PIGN: variants seen among roughly 807,000 people sequenced by gnomAD.
PIGN encodes the protein GPI ethanolamine phosphate transferase 1.
PIGN carries 117 observed loss-of-function variants against 125.4 expected under a neutral mutation model. The observed-to-expected ratio is 0.93, with a 90% CI of 0.80 to 1.09. PIGN has a LOEUF of 1.09. PIGN is among the 50% of genes least tolerant of loss of function. PIGN has a pLI of 0.00. For missense variants in PIGN, 1,075 were observed against 1,094.9 expected (o/e 0.98, Z 0.26); for synonymous variants, 392 against 377.8 (o/e 1.04, Z -0.44).
At chr18:62,113,742 C>T (rs1301463720) in intron 15 of PIGN, among the ~76,000 whole-genome samples, 4 of 151,918 alleles carry the variant, frequency 2.6e-5, no homozygotes, top group African/African-American at 9.7e-5. Flanking sequence ...AGAAGAATAG[C>T]TTATCATTTT....
chr18:62,088,806 T>C lies in PIGN; in HGVS notation c.2320A>G (p.Thr774Ala). 1.3e-6 allele frequency: 2 copies of C among 1,560,686 alleles called. No homozygotes were observed. Among genetic ancestry groups the C allele is most frequent in the Non-Finnish European group, 1.7e-6 (2 of 1,149,008 alleles). ...TCCAGATATAGCTGTCGAAACTGAG[T>C]TATATCAGTATTATAAGAGAACTGG... ...SIQFSYNTDITQFRQLYLDDI... is the reference protein window; with the variant it reads ...SIQFSYNTDIAQFRQLYLDDI... Residue 774 changes from threonine to alanine, a missense_variant, in exon 25 of 31, where the codon ACT becomes GCT. Thr to Ala is a moderately conservative substitution (Grantham distance 58, BLOSUM62 0). Coordinates refer to ENST00000640252, the MANE Select transcript of PIGN (RefSeq NM_176787.5).
intron 23 of PIGN, among the ~76,000 whole-genome samples, chr18:62,028,350 C>T (rs1272546235): frequency 2.6e-5 from 4 of 152,122 alleles, no homozygotes; most frequent in African/African-American, 7.2e-5. Flanking sequence ...TCAGCACCTC[C>T]GAAAGAATGA....
At chr18:62,082,631 A>C in intron 28 of PIGN, 42 bp downstream of exon 28, 1 of 1,085,944 alleles carries the variant, frequency 9.2e-7, no homozygotes. Context: ...TCATCTCCTA[A>C]AAATAGGCAA....
At chr18:62,128,924 T>C (rs930366344) in intron 14 of PIGN, among the ~76,000 whole-genome samples, 5 of 152,306 alleles carry the variant, frequency 3.3e-5, no homozygotes, top group Non-Finnish European at 7.4e-5. Flanking sequence ...TATTAAAATA[T>C]AAGTATACAA....
At chr18:62,066,097 C>T (rs565192079) in intron 30 of PIGN, among the ~76,000 whole-genome samples, 1 of 152,338 alleles carries the variant, frequency 6.6e-6, no homozygotes, top group East Asian at 1.9e-4. Flanking sequence ...TTTTAACTTG[C>T]TAACAATAGT....
At chr18:62,037,480 C>T (rs868289553), downstream of PIGN, among the ~76,000 whole-genome samples, 5 of 152,232 alleles carry the variant, frequency 3.3e-5, no homozygotes, top group South Asian at 2.1e-4. Flanking sequence ...AAAGCAGGGA[C>T]GTAAAGGCCT....
rs771022458 is a variant in PIGN, at chr18:62,085,222, C to T, written c.2413G>A (p.Ala805Thr). 6.1e-5 allele frequency: 93 copies of T among 1,535,406 alleles called. No individual in the cohort carries two copies. Among genetic ancestry groups the T allele is most frequent in the Non-Finnish European group, 8.1e-5 (92 of 1,133,664 alleles). ...ATTTAAAATTACCTGTTAATAGAAGCTATATTTCCAGTTCCAAAAAATGCT... is the reference window on the plus strand; with the variant it reads ...ATTTAAAATTACCTGTTAATAGAAGTTATATTTCCAGTTCCAAAAAATGCT... ...VTAFFGTGNI[A>T]SINSFDLASV... Residue 805 changes from alanine (A) to threonine (T), a missense_variant, in exon 26 of 31, where the codon GCT (alanine) becomes ACT (threonine). Transcript: ENST00000640252.
chr18:62,109,137 A>G (rs1399820488), intron 17 of PIGN, among the ~76,000 whole-genome samples: 2 of 152,202 alleles, frequency 1.3e-5, no homozygotes, highest in African/African-American at 2.4e-5. Context: ...ATAGAAACCA[A>G]TAAGATCTGC....
chr18:62,142,682 A>G (rs1024565127), intron 11 of PIGN, among the ~76,000 whole-genome samples: 2 of 152,322 alleles, frequency 1.3e-5, no homozygotes, highest in East Asian at 3.9e-4. Flanking sequence ...TTTGGAAGCC[A>G]TATCCCAATG....
downstream of PIGN, among the ~76,000 whole-genome samples, chr18:62,038,154 C>T (rs191109690): frequency 1.3e-5 from 2 of 152,242 alleles, no homozygotes; most frequent in East Asian, 1.9e-4. Context: ...GGGATAAAGT[C>T]TGAATCAGTT....
At position 62,169,001 on chromosome 18, in the gene PIGN, G is replaced by A. The variant is rs571600867; in HGVS notation, c.-235-5345C>T. ...CACCTGAGTAGCTGGGACTACAGAC[G>A]TGTACCACCATGCTCAGCTATTTTT... On this transcript the variant is annotated intron_variant, in intron 1 of 30. Coordinates refer to ENST00000640252, the MANE Select transcript of PIGN (RefSeq NM_176787.5). Among the ~76,000 whole-genome samples, 17 of 151,982 alleles carry A rather than the reference G, an allele frequency of 1.1e-4. No individual in the cohort carries two copies. In the East Asian group the frequency reaches 3.1e-3, roughly 28 times the overall value.
intron 30 of PIGN, among the ~76,000 whole-genome samples, chr18:62,070,669 G>A (rs951239262): frequency 6.6e-6 from 1 of 152,036 alleles, no homozygotes; most frequent in East Asian, 1.9e-4. Flanking sequence ...GAGAAGAAAA[G>A]GCAAAAGGGT....
intron 9 of PIGN, 55 bp from the exon 10 acceptor site, chr18:62,146,080 C>T (rs915243633): frequency 4.1e-6 from 3 of 734,114 alleles, no homozygotes; most frequent in Non-Finnish European, 6.5e-6. Flanking sequence ...TAACTTACAA[C>T]TAAATATTTT....
intron 30 of PIGN, among the ~76,000 whole-genome samples, chr18:62,065,996 C>T (rs2032497252): frequency 6.8e-6 from 1 of 146,242 alleles, no homozygotes; most frequent in Non-Finnish European, 1.5e-5. Flanking sequence ...TTGCCCCATT[C>T]TCTGTAGCCC....
Position 62,122,343 on chromosome 18 carries a change from C to G in PIGN, c.1173-7704G>C, listed in dbSNP as rs140648361. On this transcript the variant is annotated intron_variant, in intron 14 of 30. Coordinates refer to ENST00000640252, the MANE Select transcript of PIGN (RefSeq NM_176787.5). The stretch of plus-strand genomic sequence containing the variant: ...AAAGAAAATTTTCAAACTAAAATTC[C>G]TAGATTACTCATATAAGCTAAATTT... 2.9e-3 allele frequency among the ~76,000 whole-genome samples: 444 copies of G among 152,124 alleles called. 1 individual carries two copies. The highest frequency in any genetic ancestry group is 0.01 in the African/African-American group (422 of 41,504).
At position 62,088,787 on chromosome 18, in the gene PIGN, T is replaced by C. The variant is rs759538931; in HGVS notation, c.2339A>G (p.Tyr780Cys). 3 of 1,566,030 alleles carry C rather than the reference T, an allele frequency of 1.9e-6. No homozygotes were observed. The highest frequency in any genetic ancestry group is 2.6e-6 in the Non-Finnish European group (3 of 1,152,980). ...NTDITQFRQL[Y>C]LDDIRRAFFL... Reference sequence around the variant, plus strand: ...AAAGGCCCTACGGATGTCATCCAGATATAGCTGTCGAAACTGAGTTATATC... The same window carrying C: ...AAAGGCCCTACGGATGTCATCCAGACATAGCTGTCGAAACTGAGTTATATC... The change falls in exon 25 of 31, where the codon TAT becomes TGT. Residue 780 changes from tyrosine (Y) to cysteine (C), a missense_variant. Physicochemically the swap from Tyr to Cys is radical, Grantham distance 194. Transcript: ENST00000640252.
intron 23 of PIGN, 59 bp from the exon 24 acceptor site, chr18:62,090,637 C>A: frequency 2.3e-6 from 2 of 862,314 alleles, no homozygotes; most frequent in Non-Finnish European, 3.8e-6. Flanking sequence ...AGTAAAAATG[C>A]AAATTTACAC....
At chr18:62,113,025 C>T (rs771206324) in intron 16 of PIGN, 109 bp downstream of exon 16, 7 of 752,412 alleles carry the variant, frequency 9.3e-6, no homozygotes, top group Non-Finnish European at 1.2e-5. Flanking sequence ...GAAAGATAAA[C>T]AAGAGTTAGC....
intron 14 of PIGN, among the ~76,000 whole-genome samples, chr18:62,130,704 G>A (rs947884952): frequency 6.6e-6 from 1 of 151,950 alleles, no homozygotes; most frequent in Non-Finnish European, 1.5e-5. Context: ...GTGTTTAGAG[G>A]ACAAGATCTC....
Sources: gnomAD v4.1 joint callset for allele counts (sites outside exome capture counted in the v4.1 genomes callset) on GRCh38, gnomAD v4.1.1 for gene constraint, MANE v1.5 for transcripts, NCBI Gene and HGNC (gene_info 2026-07-23, HGNC 2026-07-21) for gene names.